The following FARP1 variants were observed in gnomAD, a reference collection of about 807,000 sequenced individuals.
FARP1 encodes FERM, ARH/RhoGEF and pleckstrin domain protein 1.
Under a neutral mutation model 128.8 loss-of-function variants are expected in FARP1, and 52 were observed. The ratio of observed to expected loss-of-function variants is 0.40; its 90% CI spans 0.32 to 0.51. The LOEUF (loss-of-function observed/expected upper bound fraction) is 0.51, where lower values mean the gene tolerates loss of function less well. Among genes scored for constraint, FARP1 ranks in the 20% least tolerant of loss-of-function variants. FARP1 has a pLI of 0.45. For synonymous variants in FARP1, 580 were observed against 551.8 expected, an observed-to-expected ratio of 1.05 and a Z score of -0.72; for missense variants, 1,333 against 1,367.9, an observed-to-expected ratio of 0.97 and a Z score of 0.40.
At chr13:98,180,103 G>T (rs1168871419) in intron 1 of FARP1, among the ~76,000 whole-genome samples, 4 of 152,066 alleles carry the variant, frequency 2.6e-5, no homozygotes, top group African/African-American at 9.7e-5. Flanking sequence ...ATAAAGGAAT[G>T]CCTGAGGCTA....
chr13:98,303,144 G>A (rs879513673), intron 2 of FARP1, among the ~76,000 whole-genome samples: 2 of 152,204 alleles, frequency 1.3e-5, no homozygotes, highest in Non-Finnish European at 2.9e-5. Context: ...ACATGATGAC[G>A]TGTTGTTTGA....
intron 2 of FARP1, among the ~76,000 whole-genome samples, chr13:98,226,150 C>T (rs935759761): frequency 3.3e-5 from 5 of 152,136 alleles, no homozygotes; most frequent in African/African-American, 9.7e-5. Context: ...CTCTGGAGAC[C>T]AGCTGTCTGA....
chr13:98,306,327 G>A (rs1486109483), intron 2 of FARP1, among the ~76,000 whole-genome samples: 1 of 152,134 alleles, frequency 6.6e-6, no homozygotes, highest in Non-Finnish European at 1.5e-5. Context: ...AGGGGAAGAG[G>A]TGGGAGGGGA....
intron 2 of FARP1, among the ~76,000 whole-genome samples, chr13:98,274,097 G>C (rs1785353423): frequency 1.3e-5 from 2 of 152,172 alleles, no homozygotes; most frequent in African/African-American, 2.4e-5. Context: ...AGCATACAGA[G>C]ATTGCTTTTT....
intron 17 of FARP1, among the ~76,000 whole-genome samples, chr13:98,427,594 T>C (rs1891836695): frequency 6.6e-6 from 1 of 152,226 alleles, no homozygotes; most frequent in Admixed American, 6.5e-5. Context: ...GTGTCCTTCG[T>C]GCCTTCTCCA....
Position 98,176,748 on chromosome 13 carries a change from G to C in FARP1, c.-24+33256G>C. 1 of 1,614,036 alleles carries C rather than the reference G, an allele frequency of 6.2e-7. No individual in the cohort carries two copies. Among genetic ancestry groups the C allele is most frequent in the Non-Finnish European group, 8.5e-7 (1 of 1,179,984 alleles). ...CCATCCCCGAGGAGGAGTTGCCCAT[G>C]GACGTGTCCTTGGGCTTCAGGTACC... On this transcript the variant is annotated intron_variant, in intron 1 of 26. Coordinates refer to ENST00000319562, the MANE Select transcript of FARP1 (RefSeq NM_005766.4). The surrounding 1 kb of genome is among the most constrained non-coding windows in gnomAD (Gnocchi z 6.2).
At chr13:98,445,255 G>A (rs3752973) in intron 24 of FARP1, 101,822 of 152,202 alleles carry the variant, frequency 0.67, 37,037 homozygotes, top group Non-Finnish European at 0.83. Flanking sequence ...CGATTTTTAC[G>A]GGAACAATTC....
At chr13:98,230,880 T>C (rs992831909) in intron 2 of FARP1, among the ~76,000 whole-genome samples, 2 of 151,592 alleles carry the variant, frequency 1.3e-5, no homozygotes, top group African/African-American at 4.9e-5. Context: ...AGGAAAGAGG[T>C]TTAATGGACT....
At chr13:98,239,616 C>T (rs148915094) in intron 2 of FARP1, among the ~76,000 whole-genome samples, 1 of 152,206 alleles carries the variant, frequency 6.6e-6, no homozygotes, top group Admixed American at 6.5e-5. Context: ...GTTAGAGACT[C>T]CAGCAGGCCT....
intron 18 of FARP1, chr13:98,432,701 G>A (rs1892081070): frequency 6.6e-6 from 1 of 152,282 alleles, no homozygotes; most frequent in Non-Finnish European, 1.5e-5. Context: ...GACTGCCTCA[G>A]GCTAAAATCG....
At chr13:98,321,716 G>A (rs1887000713) in intron 2 of FARP1, among the ~76,000 whole-genome samples, 1 of 152,122 alleles carries the variant, frequency 6.6e-6, no homozygotes, top group African/African-American at 2.4e-5. Context: ...TATGACTTTT[G>A]TATTTTAGCT....
chr13:98,227,042 G>GGC (rs1566766498), intron 2 of FARP1, among the ~76,000 whole-genome samples: 11 of 152,124 alleles, frequency 7.2e-5, no homozygotes, highest in African/African-American at 2.7e-4. Flanking sequence ...CCGGGTTCAC[G>GGC]TCATTCTCTA....
chr13:98,265,234 AGATTGTGATATTTTTGTGTTAGC>A (rs1266551775), intron 2 of FARP1, among the ~76,000 whole-genome samples: 1 of 151,494 alleles, frequency 6.6e-6, no homozygotes, highest in Non-Finnish European at 1.5e-5. Context: ...GTTGGACAAC[AGATTGTGATATTTTTGTGTTAGC>A]GATGCTGGTT....
chr13:98,232,052 A>G (rs566302756), intron 2 of FARP1, among the ~76,000 whole-genome samples: 1 of 150,478 alleles, frequency 6.6e-6, no homozygotes, highest in East Asian at 2.0e-4. Context: ...CTGGTCTTGA[A>G]CTTCTGACCT....
chr13:98,329,804 G>A (rs1887410260), intron 2 of FARP1: 1 of 152,146 alleles, frequency 6.6e-6, no homozygotes, highest in Non-Finnish European at 1.5e-5. Context: ...ATCTTTATGA[G>A]CATCTACTAT....
chr13:98,368,167 C>T lies in FARP1; in HGVS notation c.370C>T (p.His124Tyr). ...TGTGGTGAAATTCTTTCCGCCTGAC[C>T]ACACACAACTCCAAGAAGAACTCAC... Reference protein sequence around the residue: ...KFVVKFFPPDHTQLQEELTRY... With the variant: ...KFVVKFFPPDYTQLQEELTRY... The change falls in exon 5 of 27, where the codon CAC becomes TAC. Residue 124 changes from histidine (H) to tyrosine (Y), a missense_variant. Transcript: ENST00000319562. The T allele has an allele frequency of 6.2e-7, 1 of 1,613,828 alleles. No individual in the cohort carries two copies. Among genetic ancestry groups the T allele is most frequent in the Non-Finnish European group, 8.5e-7 (1 of 1,179,776 alleles).
At chr13:98,271,506 C>G (rs571347589) in intron 2 of FARP1, among the ~76,000 whole-genome samples, 1 of 152,308 alleles carries the variant, frequency 6.6e-6, no homozygotes, top group African/African-American at 2.4e-5. Context: ...AACCCGTCAT[C>G]TAGGTTTTAA....
At chr13:98,280,355 C>T (rs769301059) in intron 2 of FARP1, among the ~76,000 whole-genome samples, 12 of 152,222 alleles carry the variant, frequency 7.9e-5, no homozygotes, top group Non-Finnish European at 1.5e-4. Flanking sequence ...GCAGCCTCAG[C>T]TTTCAGGCCT....
chr13:98,163,326 G>A (rs528700041), intron 1 of FARP1, among the ~76,000 whole-genome samples: 1 of 152,154 alleles, frequency 6.6e-6, no homozygotes, highest in African/African-American at 2.4e-5. Flanking sequence ...TTGGAGAAGG[G>A]TGGCAGGAGG....
Sources: gnomAD v4.1 joint callset for allele counts (sites outside exome capture counted in the v4.1 genomes callset) on GRCh38, gnomAD v4.1.1 for gene constraint, Gnocchi (gnomAD v3.1) non-coding constraint, MANE v1.5 for transcripts, NCBI Gene and HGNC (gene_info 2026-07-23, HGNC 2026-07-21) for gene names.